SPOCK2: variants seen among roughly 807,000 people sequenced by gnomAD.
SPOCK2 encodes the protein testican-2.
A neutral mutation model predicts 60.1 loss-of-function variants in SPOCK2; 39 were observed. The ratio of observed to expected loss-of-function variants is 0.65; its 90% CI spans 0.50 to 0.85. The LOEUF is 0.85. Ranked by LOEUF, SPOCK2 falls within the 40% of genes least tolerant of loss-of-function variation. The pLI is 0.00. For missense variants in SPOCK2, 523 were observed against 567.4 expected, an observed-to-expected ratio of 0.92 and a Z score of 0.80; for synonymous variants, 217 against 231.5, an observed-to-expected ratio of 0.94 and a Z score of 0.57.
intron 2 of SPOCK2, 55 bp downstream of exon 2, chr10:72,072,847 G>A: frequency 2.6e-6 from 4 of 1,551,592 alleles, no homozygotes; most frequent in Non-Finnish European, 3.5e-6. Context: ...ACACAGGAGG[G>A]GAGGGGGTGT....
intron 5 of SPOCK2, chr10:72,068,735 G>A (rs935542933): frequency 5.7e-6 from 1 of 174,578 alleles, no homozygotes; most frequent in Non-Finnish European, 1.2e-5. Flanking sequence ...AGTCACCCCA[G>A]TGGACTTTTC....
At chr10:72,067,417 T>C (rs1278821779) in intron 7 of SPOCK2, among the ~76,000 whole-genome samples, 196 bp downstream of exon 7, 2 of 152,188 alleles carry the variant, frequency 1.3e-5, no homozygotes, top group East Asian at 3.8e-4. Flanking sequence ...GTTAAGTTCT[T>C]CCTACTAGCT....
chr10:72,070,546 C>A (rs1472898233), intron 4 of SPOCK2, 120 bp from the exon 5 acceptor site: 2 of 848,232 alleles, frequency 2.4e-6, no homozygotes, highest in Admixed American at 2.2e-5. Context: ...AGCAGATCAG[C>A]CCCTTCCTGC....
At chr10:72,073,295 A>T (rs1840674115) in intron 1 of SPOCK2, among the ~76,000 whole-genome samples, 1 of 152,136 alleles carries the variant, frequency 6.6e-6, no homozygotes, top group Non-Finnish European at 1.5e-5. Context: ...TGCCTGAGAA[A>T]CGGTGCACTG....
intron 1 of SPOCK2, among the ~76,000 whole-genome samples, chr10:72,084,289 C>T (rs954890992): frequency 3.3e-5 from 5 of 152,354 alleles, no homozygotes; most frequent in African/African-American, 9.6e-5. Flanking sequence ...GCCTTCACAC[C>T]TATGCGTCCC....
At chr10:72,084,602 T>C (rs1461792755) in intron 1 of SPOCK2, among the ~76,000 whole-genome samples, 1 of 152,208 alleles carries the variant, frequency 6.6e-6, no homozygotes, top group Non-Finnish European at 1.5e-5. Context: ...ACTTTGCTCT[T>C]CAGGGTAGAC....
chr10:72,062,572 C>T lies in SPOCK2; in HGVS notation c.*188G>A. 3 of 1,086,446 alleles carry T rather than the reference C, an allele frequency of 2.8e-6. No individual in the cohort carries two copies. In the South Asian group the frequency reaches 4.7e-5, roughly 17 times the overall value. The allele number at this position is 1,086,446 out of a possible 1,614,324, so 67.3% of individuals were successfully genotyped here. Reference sequence around the variant, plus strand: ...ACACACATACACACATGCATGCACACATGCACTCACACTGTCACCCGTCCC... The same window carrying T: ...ACACACATACACACATGCATGCACATATGCACTCACACTGTCACCCGTCCC... On this transcript the variant is annotated 3_prime_UTR_variant, in exon 11 of 11. Transcript: ENST00000373109. The surrounding 1 kb of genome is among the most constrained non-coding windows in gnomAD (Gnocchi z 4.3).
chr10:72,088,039 G>A, intron 1 of SPOCK2, 101 bp downstream of exon 1: 2 of 1,431,816 alleles, frequency 1.4e-6, no homozygotes, highest in Non-Finnish European at 9.6e-7. Flanking sequence ...AGGCTGCGGA[G>A]CCTCGGGCTG....
Position 72,066,985 on chromosome 10 carries a change from A to C in SPOCK2, c.845T>G (p.Ile282Ser), listed in dbSNP as rs1840578229. 1 of 1,614,230 alleles carries C rather than the reference A, an allele frequency of 6.2e-7. No homozygotes were observed. The part of the protein sequence containing the change: ...AINLDKYEVC[I>S]RPFFNSCDTY... The stretch of plus-strand genomic sequence containing the variant: ...GTCACAGGAGTTGAAGAAGGGACGG[A>C]TGCAGACCTCGTACTTGTCCAGGTT... Residue 282 changes from isoleucine (I) to serine (S), a missense_variant, in exon 8 of 11, where the codon ATC becomes AGC. Transcript: ENST00000373109.
intron 1 of SPOCK2, among the ~76,000 whole-genome samples, chr10:72,073,992 G>A (rs1427307790): frequency 6.6e-6 from 1 of 152,232 alleles, no homozygotes; most frequent in Non-Finnish European, 1.5e-5. Flanking sequence ...TCTGCGTGGG[G>A]CTCCAGGAGG....
intron 1 of SPOCK2, among the ~76,000 whole-genome samples, chr10:72,077,111 A>C (rs1229618493): frequency 6.6e-6 from 1 of 152,016 alleles, no homozygotes; most frequent in African/African-American, 2.4e-5. Flanking sequence ...GAATCAGCCG[A>C]GGAGCTCTTT....
rs565394571 is a variant in SPOCK2, at chr10:72,072,951, C to G, written c.190-41G>C. On this transcript the variant is annotated intron_variant, in intron 1 of 10. Coordinates refer to ENST00000373109, the MANE Select transcript of SPOCK2 (RefSeq NM_001244950.2). The stretch of plus-strand genomic sequence containing the variant: ...CAGCAGCAGGCCATGGAAAACGGAG[C>G]AGGAAGAGAAAGGGAGAAAGATGGG... 1.8e-5 allele frequency: 28 copies of G among 1,552,842 alleles called. 1 individual carries two copies. The South Asian group carries it at 2.7e-4, about 15-fold the overall frequency.
chr10:72,074,425 C>T (rs761198283), intron 1 of SPOCK2, among the ~76,000 whole-genome samples: 1 of 152,122 alleles, frequency 6.6e-6, no homozygotes, highest in Non-Finnish European at 1.5e-5. Context: ...TGCACCCATG[C>T]ACACTCACAG....
At chr10:72,083,793 T>A (rs1338483119) in intron 1 of SPOCK2, among the ~76,000 whole-genome samples, 1 of 152,196 alleles carries the variant, frequency 6.6e-6, no homozygotes, top group African/African-American at 2.4e-5. Context: ...GTTGTTGTTA[T>A]ATGTTTTGTT....
In SPOCK2 at chr10:72,061,661, G is replaced by A. The variant is rs1564544173; in HGVS notation, c.*1099C>T. 1 of 152,820 alleles carries A rather than the reference G, an allele frequency of 6.5e-6. No individual in the cohort carries two copies. Among genetic ancestry groups the A allele is most frequent in the Admixed American group, 6.5e-5 (1 of 15,286 alleles). 9.5% of individuals were successfully genotyped at this position (152,820 alleles called of 1,614,324 possible). The stretch of plus-strand genomic sequence containing the variant: ...CTTGCCTGCTGCTCCTGGCCCTCAG[G>A]CGCCCTCAAGTGGATGAGGGGACCC... On this transcript the variant is annotated 3_prime_UTR_variant, in exon 11 of 11. Coordinates refer to ENST00000373109, the MANE Select transcript of SPOCK2 (RefSeq NM_001244950.2).
At chr10:72,072,066 T>C in intron 4 of SPOCK2, 78 bp downstream of exon 4, 1 of 1,193,364 alleles carries the variant, frequency 8.4e-7, no homozygotes, top group East Asian at 2.7e-5. Flanking sequence ...GATGGCTAAT[T>C]CATAAGGAGA....
chr10:72,087,960 G>A lies in SPOCK2; in HGVS notation c.189+180C>T, dbSNP rs1300118735. Among the ~76,000 whole-genome samples, 1 of 151,950 alleles carries A rather than the reference G, an allele frequency of 6.6e-6. No individual in the cohort carries two copies. Among genetic ancestry groups the A allele is most frequent in the Non-Finnish European group, 1.5e-5 (1 of 67,900 alleles). The stretch of plus-strand genomic sequence containing the variant: ...GGTCCCAGGGCCGCCGGCCCGGGCC[G>A]CAGGGACAGGGGAGGGGCGCTGGGC... On this transcript the variant is annotated intron_variant, in intron 1 of 10. Coordinates refer to ENST00000373109, the MANE Select transcript of SPOCK2 (RefSeq NM_001244950.2). This position sits in a 1 kb window ranked among gnomAD's most constrained non-coding sequence, Gnocchi z 4.7.
intron 9 of SPOCK2, 151 bp downstream of exon 9, chr10:72,064,027 G>A (rs1485397373): frequency 5.2e-6 from 5 of 969,424 alleles, no homozygotes; most frequent in Non-Finnish European, 5.9e-6. Flanking sequence ...ATAGACACAG[G>A]AAGGGGGCAA....
rs1342604452 is a variant in SPOCK2, at chr10:72,086,644, G to C, written c.189+1496C>G. The C allele has an allele frequency of 3.2e-6, 4 of 1,230,828 alleles. No homozygotes were observed. The East Asian group carries it at 1.5e-4, about 45-fold the overall frequency. 76.2% of individuals were successfully genotyped at this position (1,230,828 alleles called of 1,614,324 possible). ...GCAGGTGCTTCGGGAAGGCCTCGCG[G>C]GGCTCCAGGCTCCTGCGGCTGGACA... On this transcript the variant is annotated intron_variant, in intron 1 of 10. Coordinates refer to ENST00000373109, the MANE Select transcript of SPOCK2 (RefSeq NM_001244950.2).
Sources: allele counts gnomAD v4.1 joint callset (sites outside exome capture counted in the v4.1 genomes callset), GRCh38; gene constraint gnomAD v4.1.1; non-coding constraint Gnocchi (gnomAD v3.1); transcripts MANE v1.5; gene names NCBI Gene and HGNC (gene_info 2026-07-23, HGNC 2026-07-21).